The following TSPAN5 variants were observed in gnomAD, a reference collection of about 807,000 sequenced individuals.
TSPAN5 encodes tetraspanin-5.
A neutral mutation model predicts 37.1 loss-of-function variants in TSPAN5; 10 were observed. That is an observed-to-expected ratio of 0.27 (90% CI 0.17 to 0.46). The LOEUF (loss-of-function observed/expected upper bound fraction) is 0.46, where lower values mean the gene tolerates loss of function less well. Ranked by LOEUF, TSPAN5 falls within the 20% of genes least tolerant of loss-of-function variation. The pLI is 1.00. For missense variants in TSPAN5, 195 were observed against 326.6 expected (o/e 0.60, Z 3.11); for synonymous variants, 110 against 118.9 (o/e 0.93, Z 0.48).
In TSPAN5 at chr4:98,544,964, C is replaced by T. The variant is rs537200674; in HGVS notation, c.82-37236G>A. Among the ~76,000 whole-genome samples, 106 of 152,278 alleles carry T rather than the reference C, an allele frequency of 7.0e-4. 1 individual carries two copies. Among genetic ancestry groups the T allele is most frequent in the African/African-American group, 2.5e-3 (102 of 41,548 alleles). On this transcript the variant is annotated intron_variant, in intron 1 of 7. Coordinates refer to ENST00000305798, the MANE Select transcript of TSPAN5 (RefSeq NM_005723.4). Reference sequence around the variant, plus strand: ...TGAGATGCCCCCATGGAGCAGCCCTCCTCCATTCTGACCTTGTGGCTTGAA... The same window carrying T: ...TGAGATGCCCCCATGGAGCAGCCCTTCTCCATTCTGACCTTGTGGCTTGAA...
intron 1 of TSPAN5, among the ~76,000 whole-genome samples, chr4:98,612,847 C>G (rs770712619): frequency 2.2e-4 from 33 of 152,240 alleles, no homozygotes; most frequent in Non-Finnish European, 4.3e-4. Context: ...CTAACCTCTC[C>G]ATCCCTGAGT....
chr4:98,553,789 G>A (rs1560534896), intron 1 of TSPAN5, among the ~76,000 whole-genome samples: 1 of 152,144 alleles, frequency 6.6e-6, no homozygotes, highest in African/African-American at 2.4e-5. Context: ...AAAAGCAGCT[G>A]GGCACGGTGG....
chr4:98,480,110 C>T (rs1050287458), intron 4 of TSPAN5, among the ~76,000 whole-genome samples: 2 of 152,156 alleles, frequency 1.3e-5, no homozygotes, highest in Non-Finnish European at 1.5e-5. Flanking sequence ...CCTGCCGATC[C>T]GCCTGGGAAC....
chr4:98,544,586 AG>A (rs1754428390), intron 1 of TSPAN5, among the ~76,000 whole-genome samples: 1 of 152,194 alleles, frequency 6.6e-6, no homozygotes, highest in African/African-American at 2.4e-5. Context: ...ACTGCTGAGG[AG>A]GTGGGGTGTC....
rs111464009 is a variant in TSPAN5 at position 98,543,916 on chromosome 4, C to T, written c.82-36188G>A. 9.5e-4 allele frequency among the ~76,000 whole-genome samples: 144 copies of T among 152,096 alleles called. 2 individuals are homozygous for T. Among genetic ancestry groups the T allele is most frequent in the African/African-American group, 3.3e-3 (136 of 41,486 alleles). On this transcript the variant is annotated intron_variant, in intron 1 of 7. Transcript: ENST00000305798. ...TGTCAGCTAGGTGCAGTGGCACACA[C>T]CTGTAATCCCAAATACTTTGGGAGG...
chr4:98,505,623 T>C lies in TSPAN5; in HGVS notation c.132+2055A>G, dbSNP rs147074517. Among the ~76,000 whole-genome samples the C allele has an allele frequency of 4.4e-3, 664 of 152,308 alleles. 5 individuals are homozygous for C. The highest frequency in any genetic ancestry group is 0.014 in the Middle Eastern group (4 of 294). The stretch of plus-strand genomic sequence containing the variant: ...TGTTTCCTGCCAGAACTTACCAGTA[T>C]CTGGACAAACATACTTGGGCAGTAA... On this transcript the variant is annotated intron_variant, in intron 2 of 7. Coordinates refer to ENST00000305798, the MANE Select transcript of TSPAN5 (RefSeq NM_005723.4).
intron 1 of TSPAN5, among the ~76,000 whole-genome samples, chr4:98,645,216 CAAAAG>C (rs1757039006): frequency 6.6e-6 from 1 of 152,144 alleles, no homozygotes; most frequent in Admixed American, 6.5e-5. Flanking sequence ...TCCATTATAA[CAAAAG>C]AAAAGAGGCC....
At chr4:98,533,384 G>C (rs1225551455) in intron 1 of TSPAN5, among the ~76,000 whole-genome samples, 1 of 151,772 alleles carries the variant, frequency 6.6e-6, no homozygotes, top group Non-Finnish European at 1.5e-5. Context: ...GGTCTATTCA[G>C]GGATTCAACT....
chr4:98,485,900 C>T (rs1752949191), intron 3 of TSPAN5, among the ~76,000 whole-genome samples: 1 of 151,746 alleles, frequency 6.6e-6, no homozygotes, highest in Non-Finnish European at 1.5e-5. Flanking sequence ...CATCCTTCCT[C>T]AGCAAATGAA....
chr4:98,492,796 T>C (rs1297251354), intron 2 of TSPAN5, among the ~76,000 whole-genome samples: 1 of 152,198 alleles, frequency 6.6e-6, no homozygotes. Context: ...TATGGAACTT[T>C]TAGGTGATTT....
intron 1 of TSPAN5, among the ~76,000 whole-genome samples, chr4:98,552,286 G>A (rs933666325): frequency 1.3e-5 from 2 of 152,156 alleles, no homozygotes; most frequent in South Asian, 2.1e-4. Flanking sequence ...CTTCAAGTGT[G>A]ATGTTAGGTA....
At chr4:98,507,503 G>A (rs563274228) in intron 2 of TSPAN5, among the ~76,000 whole-genome samples, 175 bp downstream of exon 2, 69 of 152,236 alleles carry the variant, frequency 4.5e-4, no homozygotes, top group African/African-American at 1.5e-3. Context: ...ATCAATTTAG[G>A]CACAATTCCT....
intron 1 of TSPAN5, among the ~76,000 whole-genome samples, chr4:98,635,223 G>A (rs995296228): frequency 6.6e-6 from 1 of 152,144 alleles, no homozygotes; most frequent in Non-Finnish European, 1.5e-5. Context: ...TTTATGGAAT[G>A]CCTTCCAGAA....
chr4:98,592,191 G>T (rs191934184), intron 1 of TSPAN5, among the ~76,000 whole-genome samples: 1 of 149,332 alleles, frequency 6.7e-6, no homozygotes, highest in African/African-American at 2.5e-5. Context: ...ATACGGAAAC[G>T]TTAATTTGAA....
intron 7 of TSPAN5, among the ~76,000 whole-genome samples, chr4:98,473,392 T>C (rs1752627954): frequency 6.6e-6 from 1 of 152,226 alleles, no homozygotes; most frequent in African/African-American, 2.4e-5. Flanking sequence ...AATATGTGGC[T>C]TTGAATTGCA....
Position 98,491,341 on chromosome 4 carries a change from T to A in TSPAN5, c.133-4457A>T, listed in dbSNP as rs533314403. 1.3e-4 allele frequency among the ~76,000 whole-genome samples: 20 copies of A among 152,332 alleles called. No homozygotes were observed. In the South Asian group the frequency reaches 4.1e-3, roughly 32 times the overall value. ...GGGATTAGGGAAAATTAGGGATTACTTACCTAGCAGGAGAAAAAAAACAGA... is the reference window on the plus strand; with the variant it reads ...GGGATTAGGGAAAATTAGGGATTACATACCTAGCAGGAGAAAAAAAACAGA... On this transcript the variant is annotated intron_variant, in intron 2 of 7. Transcript: ENST00000305798.
chr4:98,535,015 C>T (rs1754199910), intron 1 of TSPAN5, among the ~76,000 whole-genome samples: 1 of 152,144 alleles, frequency 6.6e-6, no homozygotes, highest in Non-Finnish European at 1.5e-5. Context: ...TTAATTGGGG[C>T]ATTTAGCATG....
chr4:98,618,040 C>A (rs1332346748), intron 1 of TSPAN5, among the ~76,000 whole-genome samples: 2 of 152,180 alleles, frequency 1.3e-5, no homozygotes, highest in East Asian at 1.9e-4. Flanking sequence ...TGTACACAAC[C>A]TTGGAGAGAA....
At chr4:98,614,280 C>G (rs548549468) in intron 1 of TSPAN5, among the ~76,000 whole-genome samples, 1 of 152,172 alleles carries the variant, frequency 6.6e-6, no homozygotes, top group Non-Finnish European at 1.5e-5. Flanking sequence ...TCTTTAGTCC[C>G]GTAAGTCAGA....
Sources: allele counts gnomAD v4.1 joint callset (sites outside exome capture counted in the v4.1 genomes callset), GRCh38; gene constraint gnomAD v4.1.1; transcripts MANE v1.5; gene names NCBI Gene and HGNC (gene_info 2026-07-23, HGNC 2026-07-21).